The following ZNF506 variants were observed in gnomAD, a reference collection of about 807,000 sequenced individuals.
ZNF506 encodes zinc finger protein 506.
Under a neutral mutation model 11.6 loss-of-function variants are expected in ZNF506, and 10 were observed. The observed-to-expected ratio is 0.86, with a 90% CI of 0.53 to 1.46. The LOEUF is 1.46. Ranked by LOEUF, ZNF506 falls within the 40% of genes most tolerant of loss-of-function variation. The pLI, the probability that ZNF506 is intolerant of heterozygous loss-of-function variation, is 0.00. For missense variants in ZNF506, 425 were observed against 521.2 expected, an observed-to-expected ratio of 0.82 and a Z score of 1.80; for synonymous variants, 156 against 173.3, an observed-to-expected ratio of 0.90 and a Z score of 0.78.
At chr19:19,809,588 C>T (rs750006513) in intron 1 of ZNF506, among the ~76,000 whole-genome samples, 57 of 152,250 alleles carry the variant, frequency 3.7e-4, no homozygotes, top group Non-Finnish European at 7.3e-4. Flanking sequence ...GATAGCATGA[C>T]ATCAATTGGC....
At chr19:19,820,657 G>C (rs62135269) in intron 1 of ZNF506, 28,388 of 152,244 alleles carry the variant, frequency 0.19, 3,343 homozygotes, top group Middle Eastern at 0.4. Flanking sequence ...TCGCGAGACT[G>C]CACGCCAACC....
chr19:19,811,119 T>C (rs1400895829), intron 1 of ZNF506, among the ~76,000 whole-genome samples: 5 of 152,190 alleles, frequency 3.3e-5, no homozygotes, highest in Admixed American at 3.3e-4. Flanking sequence ...TTATACTATA[T>C]ACTAATATGC....
At chr19:19,800,918 G>C (rs1020342721) in intron 3 of ZNF506, among the ~76,000 whole-genome samples, 1 of 151,800 alleles carries the variant, frequency 6.6e-6, no homozygotes, top group Non-Finnish European at 1.5e-5. Context: ...CCCAACACTA[G>C]GGGAGGCCGA....
chr19:19,795,601 G>T lies in ZNF506; in HGVS notation c.286C>A (p.Gln96Lys), dbSNP rs770359231. 3.2e-6 allele frequency: 5 copies of T among 1,560,466 alleles called. No homozygotes were observed. The highest frequency in any genetic ancestry group is 4.3e-6 in the Non-Finnish European group (5 of 1,159,252). ...WSEQSIKDSF[Q>K]KVILRRYEKC... Reference sequence around the variant, plus strand: ...TCATATCTTCTTAGTATCACTTTTTGGAAAGAATCTTTTATGCTCTGCTCT... The same window carrying T: ...TCATATCTTCTTAGTATCACTTTTTTGAAAGAATCTTTTATGCTCTGCTCT... The change falls in exon 4 of 4, where the codon CAA becomes AAA. Residue 96 changes from glutamine (Q) to lysine (K), a missense_variant. Gln to Lys is a moderately conservative substitution (Grantham distance 53, BLOSUM62 1). Coordinates refer to ENST00000540806, the MANE Select transcript of ZNF506 (RefSeq NM_001099269.3).
intron 3 of ZNF506, among the ~76,000 whole-genome samples, chr19:19,803,729 T>C (rs2145185239): frequency 6.6e-6 from 1 of 152,340 alleles, no homozygotes; most frequent in East Asian, 1.9e-4. Flanking sequence ...AAAATTAGTT[T>C]ATGAAAACTT....
At chr19:19,812,567 C>A (rs1568479689) in intron 1 of ZNF506, among the ~76,000 whole-genome samples, 1 of 152,208 alleles carries the variant, frequency 6.6e-6, no homozygotes, top group Non-Finnish European at 1.5e-5. Context: ...GAGCCTCTGA[C>A]CTCACTGTAG....
At position 19,818,078 on chromosome 19, in the gene ZNF506, T is replaced by C. The variant is rs140837152; in HGVS notation, c.3+3523A>G. On this transcript the variant is annotated intron_variant, in intron 1 of 3. Coordinates refer to ENST00000540806, the MANE Select transcript of ZNF506 (RefSeq NM_001099269.3). ...CCTGACCTCAAGTGATCAACCCCCC[T>C]CGGCCTCCCAAAGTGCTGGGATTAC... Among the ~76,000 whole-genome samples the C allele has an allele frequency of 4.3e-3, 651 of 152,020 alleles. 7 individuals carry two copies. The highest frequency in any genetic ancestry group is 0.015 in the African/African-American group (621 of 41,342).
At chr19:19,806,704 A>T (rs115509818) in intron 2 of ZNF506, among the ~76,000 whole-genome samples, 2,080 of 152,264 alleles carry the variant, frequency 0.014, 61 homozygotes, top group African/African-American at 0.047. Flanking sequence ...AATTTTTGGA[A>T]TTACCACTAA....
intron 3 of ZNF506, chr19:19,796,733 T>C (rs1266515086): frequency 6.6e-6 from 1 of 152,102 alleles, no homozygotes; most frequent in Non-Finnish European, 1.5e-5. Flanking sequence ...CTGGTTAATG[T>C]CTCCCACGAC....
At chr19:19,807,524 T>C (rs2062844826) in intron 1 of ZNF506, among the ~76,000 whole-genome samples, 2 of 152,098 alleles carry the variant, frequency 1.3e-5, no homozygotes, top group Non-Finnish European at 2.9e-5. Flanking sequence ...TATTTATTTA[T>C]AGATGGAGTT....
At chr19:19,804,708 A>G (rs1201500030) in intron 3 of ZNF506, among the ~76,000 whole-genome samples, 1 of 152,230 alleles carries the variant, frequency 6.6e-6, no homozygotes, top group Non-Finnish European at 1.5e-5. Flanking sequence ...GACAGACTGG[A>G]TTAAGAAAAT....
chr19:19,799,680 G>A (rs141500178), intron 3 of ZNF506, among the ~76,000 whole-genome samples: 39 of 152,058 alleles, frequency 2.6e-4, no homozygotes, highest in Middle Eastern at 3.4e-3. Flanking sequence ...AGGCCGAGGC[G>A]GGTGAATTTA....
At chr19:19,808,307 T>C (rs1322549559) in intron 1 of ZNF506, among the ~76,000 whole-genome samples, 1 of 149,980 alleles carries the variant, frequency 6.7e-6, no homozygotes, top group East Asian at 2.0e-4. Context: ...ATATTTTTAG[T>C]AGAGACGGGG....
intron 1 of ZNF506, among the ~76,000 whole-genome samples, chr19:19,808,777 A>G (rs1166004539): frequency 7.0e-6 from 1 of 142,018 alleles, no homozygotes; most frequent in Non-Finnish European, 1.5e-5. Flanking sequence ...CGGGAGGTGA[A>G]GTTTGCACTG....
chr19:19,798,152 TA>T (rs2062758420), intron 3 of ZNF506: 1 of 152,176 alleles, frequency 6.6e-6, no homozygotes, highest in Admixed American at 6.6e-5. Flanking sequence ...TGGTACAGTT[TA>T]AAAGATAAAA....
chr19:19,797,632 CAAAGCTGA>C (rs944062156), intron 3 of ZNF506: 15 of 151,722 alleles, frequency 9.9e-5, no homozygotes, highest in African/African-American at 3.6e-4. Flanking sequence ...GTAAATAGGG[CAAAGCTGA>C]AAAGCTGAAC....
At chr19:19,809,383 AAGTACTAAACACAAGGC>A (rs2062866216) in intron 1 of ZNF506, among the ~76,000 whole-genome samples, 1 of 152,200 alleles carries the variant, frequency 6.6e-6, no homozygotes, top group Non-Finnish European at 1.5e-5. Context: ...AAAGTTTTGT[AAGTACTAAACACAAGGC>A]AGTCCAGGAA....
At chr19:19,801,138 C>A (rs1258479820) in intron 3 of ZNF506, among the ~76,000 whole-genome samples, 3 of 151,476 alleles carry the variant, frequency 2.0e-5, no homozygotes, top group African/African-American at 7.3e-5. Context: ...CCAGCCTGGG[C>A]AACAAGAGCA....
rs775308485 is a variant in ZNF506 at position 19,795,130 on chromosome 19, C to T, written c.757G>A (p.Gly253Arg). 8 of 1,613,674 alleles carry T rather than the reference C, an allele frequency of 5.0e-6. No homozygotes were observed. In the South Asian group the frequency reaches 6.6e-5, roughly 13 times the overall value. ...TCTCTACATCTGTAGGGTTTCTCTC[C>T]AGTATGAATTATCTTATGTGTAGTA... ...NLTTHKIIHT[G>R]EKPYRCRECG... Residue 253 changes from glycine (G) to arginine (R), a missense_variant, in exon 4 of 4, where the codon GGA becomes AGA. By Grantham distance (125) the Gly-to-Arg change is moderately radical. Transcript: ENST00000540806.
Sources: gnomAD v4.1 joint callset for allele counts (sites outside exome capture counted in the v4.1 genomes callset) on GRCh38, gnomAD v4.1.1 for gene constraint, MANE v1.5 for transcripts, NCBI Gene and HGNC (gene_info 2026-07-23, HGNC 2026-07-21) for gene names.